Variants in SCNN1A observed in about 807,000 individuals in gnomAD.
SCNN1A encodes epithelial sodium channel subunit alpha.
In SCNN1A, 65 loss-of-function variants were observed where a neutral mutation model predicts 68.6. That is an observed-to-expected ratio of 0.95 (90% confidence interval 0.78 to 1.16). The LOEUF is 1.16. SCNN1A is among the 50% of genes most tolerant of loss of function. The pLI is 0.00. For missense variants in SCNN1A, 880 were observed against 865.9 expected, an observed-to-expected ratio of 1.02 and a Z score of -0.20; for synonymous variants, 357 against 353.3, an observed-to-expected ratio of 1.01 and a Z score of -0.12.
intron 4 of SCNN1A, among the ~76,000 whole-genome samples, chr12:6,359,751 G>T (rs1948552562): frequency 7.1e-6 from 1 of 140,110 alleles, no homozygotes; most frequent in Non-Finnish European, 1.5e-5. Flanking sequence ...AAATTACCCA[G>T]ACTCAGATAT....
In SCNN1A at chr12:6,354,565, A is replaced by T; in HGVS notation, c.1243-10T>A. 1 of 1,598,084 alleles carries T rather than the reference A, an allele frequency of 6.3e-7. No homozygotes were observed. The highest frequency in any genetic ancestry group is 1.3e-5 in the African/African-American group (1 of 74,718). Reference sequence around the variant, plus strand: ...AGGAGTGAATACACACCTGGAAGGGAGGAGGGTGGAGAGGAGAGGGGGTTC... The same window carrying T: ...AGGAGTGAATACACACCTGGAAGGGTGGAGGGTGGAGAGGAGAGGGGGTTC... On this transcript the variant is annotated splice_polypyrimidine_tract_variant and intron_variant, in intron 7 of 12. Coordinates refer to ENST00000228916, the MANE Select transcript of SCNN1A (RefSeq NM_001038.6).
At chr12:6,352,580 C>A (rs954292709) in intron 8 of SCNN1A, among the ~76,000 whole-genome samples, 9 of 152,282 alleles carry the variant, frequency 5.9e-5, no homozygotes, top group African/African-American at 1.9e-4. Context: ...AGGGAGAAAT[C>A]ACAGGTGGCA....
At chr12:6,348,605 T>TC in intron 12 of SCNN1A, 122 bp downstream of exon 12, 2 of 935,408 alleles carry the variant, frequency 2.1e-6, no homozygotes, top group Non-Finnish European at 3.5e-6. Context: ...TCTTCTTTGG[T>TC]CCCCTGCCTT....
intron 2 of SCNN1A, among the ~76,000 whole-genome samples, chr12:6,369,695 A>G (rs970729667): frequency 8.5e-5 from 13 of 152,144 alleles, no homozygotes; most frequent in Non-Finnish European, 1.2e-4. Flanking sequence ...TTAGCCGGGC[A>G]TGGTGGTGGG....
At chr12:6,356,156 G>A (rs974113341) in intron 4 of SCNN1A, 6 of 507,746 alleles carry the variant, frequency 1.2e-5, no homozygotes, top group Non-Finnish European at 2.1e-5. Flanking sequence ...GCTGGCCCAA[G>A]GTCACACATC....
intron 4 of SCNN1A, among the ~76,000 whole-genome samples, chr12:6,357,495 A>C (rs1948516565): frequency 6.6e-6 from 1 of 151,880 alleles, no homozygotes. Context: ...AATCGCTTGA[A>C]CTTGGGAGGT....
intron 5 of SCNN1A, 99 bp from the exon 6 acceptor site, chr12:6,355,534 C>A: frequency 6.9e-7 from 1 of 1,440,140 alleles, no homozygotes; most frequent in South Asian, 1.2e-5. Flanking sequence ...GTCTCTAAAG[C>A]TGCAAGAGAA....
chr12:6,363,392 G>T (rs1336311583), intron 3 of SCNN1A, 51 bp downstream of exon 3: 3 of 1,458,822 alleles, frequency 2.1e-6, no homozygotes, highest in African/African-American at 1.5e-5. Context: ...GGTGGGCGGG[G>T]CCAGGGGCCG....
Position 6,362,102 on chromosome 12 carries a change from A to T in SCNN1A, c.824T>A (p.Leu275Gln). 1 of 1,614,196 alleles carries T rather than the reference A, an allele frequency of 6.2e-7. No homozygotes were observed. Among genetic ancestry groups the T allele is most frequent in the Non-Finnish European group, 8.5e-7 (1 of 1,180,032 alleles). ...GCGGCAGGCGAAGATGAAGTTGCCC[A>T]GCGTGTCCTCCTCCAGGGATGGCAG... ...ETLPSLEEDT[L>Q]GNFIFACRFN... The change falls in exon 4 of 13, where the codon CTG (leucine) becomes CAG (glutamine). Residue 275 changes from leucine (L) to glutamine (Q), a missense_variant. Leu to Gln is a moderately radical substitution (Grantham distance 113). Around this residue, in one of 3 missense-constraint regions of SCNN1A, gnomAD observed 758 missense variants for 721.8 expected, o/e 1.05. Transcript: ENST00000228916.
upstream of SCNN1A, chr12:6,377,284 G>A: frequency 2.6e-6 from 4 of 1,549,894 alleles, no homozygotes; most frequent in Non-Finnish European, 3.5e-6. Flanking sequence ...CCCCTTGGAA[G>A]GGACAGCTGG....
At chr12:6,373,862 G>A (rs1454022086) in intron 2 of SCNN1A, among the ~76,000 whole-genome samples, 1 of 152,116 alleles carries the variant, frequency 6.6e-6, no homozygotes, top group African/African-American at 2.4e-5. Flanking sequence ...CCCCCTCTTT[G>A]CTTTCTCCAT....
intron 2 of SCNN1A, chr12:6,363,921 A>T: frequency 5.0e-6 from 2 of 403,230 alleles, no homozygotes; most frequent in Non-Finnish European, 8.8e-6. Context: ...CGGCGAGCCC[A>T]GCCGGGACAC....
At chr12:6,363,839 G>C in intron 2 of SCNN1A, 129 bp from the exon 3 acceptor site, 1 of 897,456 alleles carries the variant, frequency 1.1e-6, no homozygotes, top group Non-Finnish European at 1.6e-6. Context: ...CGGGGCTGGG[G>C]TCGTCGTGGC....
At chr12:6,349,431 C>T in intron 8 of SCNN1A, 26 bp from the exon 9 acceptor site, 1 of 1,526,894 alleles carries the variant, frequency 6.5e-7, no homozygotes, top group Non-Finnish European at 8.9e-7. Context: ...GATGCCTGTT[C>T]TCCTAGGGCA....
rs1400153461 is a variant in SCNN1A at position 6,355,287 on chromosome 12, G to A, written c.1128C>T (p.Ser376=). Reference sequence around the variant, plus strand: ...GCATCCTTGCCTTCCTCATGCTGATGGAGGTCTCCACGCCAGGCCGCAAGT... The same window carrying A: ...GCATCCTTGCCTTCCTCATGCTGATAGAGGTCTCCACGCCAGGCCGCAAGT... ...GFNLRPGVET[S]ISMRKETLDR... is the part of the protein sequence containing the mutation. Residue 376 remains serine (S), a synonymous_variant, in exon 6 of 13, where the codon TCC becomes TCT. Transcript: ENST00000228916. The A allele has an allele frequency of 1.2e-6, 2 of 1,613,218 alleles. No individual in the cohort carries two copies. Among genetic ancestry groups the A allele is most frequent in the East Asian group, 2.2e-5 (1 of 44,842 alleles).
In SCNN1A at chr12:6,372,779, A is replaced by T. The variant is rs908210373; in HGVS notation, c.416+1589T>A. ...GCAGGGGGAGAAAAATGAGGCTAAG[A>T]GGAAGGACCCAAGAGAGCTCTGAAA... On this transcript the variant is annotated intron_variant, in intron 2 of 12. Coordinates refer to ENST00000228916, the MANE Select transcript of SCNN1A (RefSeq NM_001038.6). This position sits in a 1 kb window ranked among gnomAD's most constrained non-coding sequence, Gnocchi z 5.8. Among the ~76,000 whole-genome samples, 1 of 152,224 alleles carries T rather than the reference A, an allele frequency of 6.6e-6. No homozygotes were observed. Among genetic ancestry groups the T allele is most frequent in the Non-Finnish European group, 1.5e-5 (1 of 68,040 alleles).
intron 8 of SCNN1A, 26 bp downstream of exon 8, chr12:6,354,412 A>G (rs1185597332): frequency 6.7e-7 from 1 of 1,494,430 alleles, no homozygotes; most frequent in African/African-American, 1.4e-5. Flanking sequence ...TCAGTGGGGC[A>G]GGGTGGGGGC....
chr12:6,375,611 G>A (rs1276033967), upstream of SCNN1A: 1 of 973,758 alleles, frequency 1.0e-6, no homozygotes, highest in Non-Finnish European at 1.5e-6. Context: ...AGGGCGGGGG[G>A]AGGGGCTGAG....
chr12:6,364,214 C>G (rs1948637005), intron 2 of SCNN1A: 1 of 152,484 alleles, frequency 6.6e-6, no homozygotes, highest in Admixed American at 6.5e-5. Context: ...TACAGGATGC[C>G]CCACCCACCC....
Sources: gnomAD v4.1 joint callset for allele counts (sites outside exome capture counted in the v4.1 genomes callset) on GRCh38, gnomAD v4.1.1 for gene constraint, gnomAD v4.1.1 regional missense constraint, Gnocchi (gnomAD v3.1) non-coding constraint, MANE v1.5 for transcripts, NCBI Gene and HGNC (gene_info 2026-07-23, HGNC 2026-07-21) for gene names.